Variants in CHM observed in about 807,000 individuals in gnomAD.
The protein encoded by CHM is CHM Rab escort protein, also known as rab proteins geranylgeranyltransferase component A 1.
CHM carries 10 observed loss-of-function variants against 49.0 expected under a neutral mutation model. The ratio of observed to expected loss-of-function variants is 0.20; its 90% CI spans 0.13 to 0.35. CHM has a LOEUF of 0.35. Among genes scored for constraint, CHM ranks in the 10% least tolerant of loss-of-function variants. The probability of loss-of-function intolerance (pLI) is 1.00; values close to 1 mark genes in which losing one functional copy is unlikely to be tolerated. For missense variants in CHM, 455 were observed against 478.4 expected, an observed-to-expected ratio of 0.95 and a Z score of 0.46; for synonymous variants, 184 against 167.5, an observed-to-expected ratio of 1.10 and a Z score of -0.76.
intron 2 of CHM, among the ~76,000 whole-genome samples, chrX:86,025,972 T>C (rs1347949713): frequency 9.0e-6 from 1 of 110,736 alleles, no homozygotes; most frequent in Non-Finnish European, 1.9e-5. Flanking sequence ...ACTATCATTC[T>C]ACCTTTGAGA....
chrX:85,945,815 T>C (rs1403364859), intron 8 of CHM, among the ~76,000 whole-genome samples: 1 of 111,358 alleles, frequency 9.0e-6, no homozygotes, highest in Non-Finnish European at 1.9e-5. Context: ...AAGTTTAAAA[T>C]TTCTCAGAGA....
chrX:86,014,031 G>A (rs763416862), intron 2 of CHM, among the ~76,000 whole-genome samples: 228 of 111,982 alleles, frequency 2.0e-3, no homozygotes, highest in Non-Finnish European at 2.6e-3. Context: ...GTAAATATGC[G>A]TTCCAATAAG....
intron 2 of CHM, among the ~76,000 whole-genome samples, chrX:85,987,443 T>C (rs1187794685): frequency 8.9e-6 from 1 of 111,763 alleles, no homozygotes; most frequent in Admixed American, 9.5e-5. Flanking sequence ...CTAAAAGTGG[T>C]CCTCTCAGCT....
chrX:86,011,344 G>T (rs1270219617), intron 2 of CHM, among the ~76,000 whole-genome samples: 1 of 111,483 alleles, frequency 9.0e-6, no homozygotes, highest in Non-Finnish European at 1.9e-5. Context: ...GGAGGAGAAA[G>T]AATTGTTCAC....
intron 8 of CHM, among the ~76,000 whole-genome samples, chrX:85,920,282 G>GTTAGTT (rs1927713308): frequency 9.1e-6 from 1 of 109,774 alleles, no homozygotes; most frequent in Non-Finnish European, 1.9e-5. Flanking sequence ...TTTTTTAGTA[G>GTTAGTT]AGACGGGGTT....
intron 9 of CHM, among the ~76,000 whole-genome samples, chrX:85,903,237 T>C (rs1423757477): frequency 1.8e-5 from 2 of 111,590 alleles, no homozygotes; most frequent in Non-Finnish European, 3.8e-5. Context: ...AGGTGTTCTC[T>C]TGAAATTCCT....
intron 4 of CHM, chrX:85,970,301 TG>T: frequency 5.3e-6 from 4 of 750,501 alleles, no homozygotes; most frequent in Non-Finnish European, 6.3e-6. Context: ...TTCCTAACAC[TG>T]GGAGTTAGGC....
rs759493679 is a variant in CHM, at chrX:85,890,516, G to A, written c.1510+3672C>T. On this transcript the variant is annotated intron_variant, in intron 12 of 14. Coordinates refer to ENST00000357749, the MANE Select transcript of CHM (RefSeq NM_000390.4). ...GGCTGGTCTTTCCCACGCTATTCTCGTGATAGTGAATAAGTCTCAAGAGAT... is the reference window on the plus strand; with the variant it reads ...GGCTGGTCTTTCCCACGCTATTCTCATGATAGTGAATAAGTCTCAAGAGAT... Among the ~76,000 whole-genome samples the A allele has an allele frequency of 8.1e-5, 9 of 111,376 alleles. No homozygotes were observed. In the South Asian group the frequency reaches 1.2e-3, roughly 14 times the overall value.
chrX:85,934,129 T>C (rs1351382823), intron 8 of CHM, among the ~76,000 whole-genome samples: 9 of 109,384 alleles, frequency 8.2e-5, no homozygotes, highest in Admixed American at 2.9e-4. Flanking sequence ...TACAAAGGCC[T>C]GCCACTACAC....
intron 8 of CHM, among the ~76,000 whole-genome samples, chrX:85,932,762 T>A (rs1928510864): frequency 9.0e-6 from 1 of 111,722 alleles, no homozygotes; most frequent in Non-Finnish European, 1.9e-5. Context: ...AGGAAAGAAG[T>A]ACATCATAGC....
In CHM at chrX:86,045,478, C is replaced by T. The variant is rs6617184; in HGVS notation, c.49+2006G>A. Among the ~76,000 whole-genome samples the T allele has an allele frequency of 4.7e-4, 52 of 111,677 alleles. No individual in the cohort carries two copies. The East Asian group carries it at 0.013, about 28-fold the overall frequency. ...AAACCTAGAATGTGTCACCAATAAA[C>T]AATATGAAAAATTTAAGTTTTAAGA... On this transcript the variant is annotated intron_variant, in intron 1 of 14. Coordinates refer to ENST00000357749, the MANE Select transcript of CHM (RefSeq NM_000390.4).
Position 85,978,773 on chromosome X carries a change from T to A in CHM, c.308A>T (p.Tyr103Phe). 5.0e-6 allele frequency: 6 copies of A among 1,203,886 alleles called. No homozygotes were observed. Among genetic ancestry groups the A allele is most frequent in the Non-Finnish European group, 6.7e-6 (6 of 889,995 alleles). ...CAGTAAATACTTTTCATACCTGGCA[T>A]AACAAAATACTTCCACATGTTGAAT... ...KTIQHVEVFCYASQDLHEDVE... is the reference protein window; with the variant it reads ...KTIQHVEVFCFASQDLHEDVE... The change falls in exon 4 of 15, where the codon TAT becomes TTT. Residue 103 changes from tyrosine to phenylalanine, a missense_variant. By Grantham distance (22) the Tyr-to-Phe change is conservative. Transcript: ENST00000357749.
chrX:85,991,706 A>T (rs765454173), intron 2 of CHM, among the ~76,000 whole-genome samples: 1 of 111,441 alleles, frequency 9.0e-6, no homozygotes, highest in Non-Finnish European at 1.9e-5. Flanking sequence ...TCCAAGAGGG[A>T]ATTATAGCAG....
intron 1 of CHM, among the ~76,000 whole-genome samples, chrX:86,031,927 C>T (rs1934062202): frequency 8.9e-6 from 1 of 112,353 alleles, no homozygotes; most frequent in Non-Finnish European, 1.9e-5. Flanking sequence ...AAAATGACTG[C>T]TTGTTTTGTT....
chrX:85,971,665 T>G lies in CHM; in HGVS notation c.314+7102A>C, dbSNP rs2142603. The G allele has an allele frequency of 0.49, 101,837 of 206,347 alleles. 20,417 individuals carry two copies. The highest frequency in any genetic ancestry group is 0.61 in the Non-Finnish European group (64,573 of 106,261). The allele number at this position is 206,347 out of a possible 1,213,427, so 17.0% of individuals were successfully genotyped here. ...CCACAGTGTGGAAGGGGACCGGAGC[T>G]GGTTGCCACTGCTGGCTGGGCAGCC... On this transcript the variant is annotated intron_variant, in intron 4 of 14. Coordinates refer to ENST00000357749, the MANE Select transcript of CHM (RefSeq NM_000390.4).
At chrX:85,911,150 T>TATATATGTATATATATATATGA (rs1926931931) in intron 9 of CHM, 111 bp downstream of exon 9, 2 of 17,728 alleles carry the variant, frequency 1.1e-4, no homozygotes. Flanking sequence ...TATATATATA[T>TATATATGTATATATATATATGA]ATATATATAT....
chrX:85,971,318 G>A, intron 4 of CHM: 3 of 524,021 alleles, frequency 5.7e-6, no homozygotes, highest in South Asian at 1.9e-4. Flanking sequence ...GCGGACCCGC[G>A]CGGTGAGTGT....
At chrX:85,873,612 T>C (rs1473718758) in intron 13 of CHM, among the ~76,000 whole-genome samples, 1 of 111,224 alleles carries the variant, frequency 9.0e-6, no homozygotes, top group Non-Finnish European at 1.9e-5. Flanking sequence ...GTTAGTAGGT[T>C]ACCTAGGGCT....
intron 8 of CHM, among the ~76,000 whole-genome samples, chrX:85,945,680 C>A (rs995693086): frequency 9.1e-6 from 1 of 109,345 alleles, no homozygotes; most frequent in African/African-American, 3.3e-5. Context: ...ATACAGAAAA[C>A]TTGTACAGAG....
Sources: allele counts gnomAD v4.1 joint callset (sites outside exome capture counted in the v4.1 genomes callset), GRCh38; gene constraint gnomAD v4.1.1; transcripts MANE v1.5; gene names NCBI Gene and HGNC (gene_info 2026-07-23, HGNC 2026-07-21).